The following FMN2 variants were observed in gnomAD, a reference collection of about 807,000 sequenced individuals.
FMN2 encodes the protein formin-2.
A neutral mutation model predicts 142.3 loss-of-function variants in FMN2; 51 were observed. The observed-to-expected ratio is 0.36, with a 90% confidence interval of 0.29 to 0.45. The LOEUF (loss-of-function observed/expected upper bound fraction) is 0.45, where lower values mean the gene tolerates loss of function less well. Among genes scored for constraint, FMN2 ranks in the 20% least tolerant of loss-of-function variants. The pLI, the probability that FMN2 is intolerant of heterozygous loss-of-function variation, is 1.00. For missense variants in FMN2, 1,936 were observed against 2,122.8 expected (o/e 0.91, Z 1.73); for synonymous variants, 882 against 869.8 (o/e 1.01, Z -0.25).
chr1:240,127,411 G>A (rs555723837), intron 2 of FMN2, among the ~76,000 whole-genome samples: 1 of 150,322 alleles, frequency 6.7e-6, no homozygotes, highest in South Asian at 2.1e-4. Context: ...GAGGTTTTAT[G>A]CAGGGGAAGA....
intron 3 of FMN2, among the ~76,000 whole-genome samples, chr1:240,185,823 C>A (rs1044297928): frequency 6.6e-6 from 1 of 152,078 alleles, no homozygotes; most frequent in African/African-American, 2.4e-5. Flanking sequence ...TGTCTTGAGT[C>A]TATTGTGTTT....
At position 240,121,366 on chromosome 1, in the gene FMN2, A is replaced by G. The variant is rs1662236870; in HGVS notation, c.1616-1813A>G. On this transcript the variant is annotated intron_variant, in intron 1 of 17. Transcript: ENST00000319653. The stretch of plus-strand genomic sequence containing the variant: ...CTCTAGGATCCTCAGCCAGTGTCTT[A>G]TTTTTTTTATTTTTATTTTTTTTTT... Among the ~76,000 whole-genome samples, 3 of 146,480 alleles carry G rather than the reference A, an allele frequency of 2.0e-5. No homozygotes were observed. In the South Asian group the frequency reaches 6.6e-4, roughly 32 times the overall value.
intron 15 of FMN2, among the ~76,000 whole-genome samples, chr1:240,415,891 T>G (rs1009350113): frequency 4.6e-5 from 7 of 152,214 alleles, no homozygotes; most frequent in Non-Finnish European, 1.0e-4. Context: ...TTAGATATAT[T>G]CGTTTTGGAA....
intron 14 of FMN2, among the ~76,000 whole-genome samples, chr1:240,372,816 C>T (rs538068008): frequency 6.6e-6 from 1 of 152,174 alleles, no homozygotes; most frequent in South Asian, 2.1e-4. Flanking sequence ...TTATGCTATA[C>T]TGTACTCTAT....
rs564100152 is a variant in FMN2, at chr1:240,205,950, C to T, written c.1987-849C>T. ...TCACTCTGTTTCCCAGGCGGGAGTG[C>T]AGTGCAGTGGCCTGTGATCATAGAT... is the stretch of plus-strand genomic sequence containing the variant. On this transcript the variant is annotated intron_variant, in intron 4 of 17. Transcript: ENST00000319653. 2.2e-3 allele frequency among the ~76,000 whole-genome samples: 312 copies of T among 143,858 alleles called. 2 individuals are homozygous for T. Among genetic ancestry groups the T allele is most frequent in the African/African-American group, 7.5e-3 (288 of 38,268 alleles). 94.4% of individuals were successfully genotyped at this position (143,858 alleles called of 152,430 possible). A position where few individuals can be genotyped will look rare whatever the true frequency, so the allele number is the denominator to read the frequency against.
intron 15 of FMN2, among the ~76,000 whole-genome samples, chr1:240,427,465 A>C (rs1381130376): frequency 6.6e-6 from 1 of 152,096 alleles, no homozygotes; most frequent in Non-Finnish European, 1.5e-5. Flanking sequence ...TCGGCCTCCC[A>C]AAGTGCTGGG....
chr1:240,409,907 G>A (rs1301450256), intron 15 of FMN2, among the ~76,000 whole-genome samples: 1 of 152,126 alleles, frequency 6.6e-6, no homozygotes, highest in Non-Finnish European at 1.5e-5. Context: ...GTGAGGACAT[G>A]TATATCTAAG....
intron 7 of FMN2, among the ~76,000 whole-genome samples, chr1:240,260,236 A>G (rs1472627745): frequency 6.6e-6 from 1 of 152,194 alleles, no homozygotes; most frequent in African/African-American, 2.4e-5. Flanking sequence ...TCTTTTTCGT[A>G]CAATGGCTTC....
intron 2 of FMN2, among the ~76,000 whole-genome samples, chr1:240,171,806 C>A (rs1347442351): frequency 1.3e-5 from 2 of 152,188 alleles, no homozygotes; most frequent in Non-Finnish European, 2.9e-5. Flanking sequence ...AGTAACTTTT[C>A]TCTTTCTTAA....
chr1:240,305,233 T>G (rs1483319715), intron 8 of FMN2, among the ~76,000 whole-genome samples: 1 of 152,194 alleles, frequency 6.6e-6, no homozygotes, highest in African/African-American at 2.4e-5. Context: ...TTGGATAATT[T>G]TGTATCTTGG....
chr1:240,337,690 ATAG>A (rs1477104803), intron 13 of FMN2, among the ~76,000 whole-genome samples: 3 of 152,244 alleles, frequency 2.0e-5, no homozygotes, highest in African/African-American at 7.2e-5. Context: ...AGCAATAATC[ATAG>A]TAGCTCATCT....
At chr1:240,097,781 T>C (rs566926323) in intron 1 of FMN2, among the ~76,000 whole-genome samples, 95 of 152,300 alleles carry the variant, frequency 6.2e-4, no homozygotes, top group African/African-American at 1.9e-3. Flanking sequence ...TACTTCTAAG[T>C]GCCAGACTCT....
At chr1:240,213,839 G>A (rs1294454016) in intron 6 of FMN2, among the ~76,000 whole-genome samples, 2 of 152,190 alleles carry the variant, frequency 1.3e-5, no homozygotes, top group African/African-American at 4.8e-5. Context: ...GTTTAACGAG[G>A]TGCCTGTGCT....
chr1:240,238,648 G>T (rs1667786449), intron 6 of FMN2, among the ~76,000 whole-genome samples: 2 of 152,124 alleles, frequency 1.3e-5, no homozygotes, highest in Admixed American at 6.5e-5. Context: ...TAGTTGCTCT[G>T]CTAGAGTTAC....
intron 14 of FMN2, among the ~76,000 whole-genome samples, chr1:240,385,261 C>A (rs1034433354): frequency 3.3e-5 from 5 of 152,148 alleles, no homozygotes; most frequent in African/African-American, 1.2e-4. Flanking sequence ...GAAAGCTCAG[C>A]CCTAATGCGT....
chr1:240,418,195 A>C (rs1236106448), intron 15 of FMN2, among the ~76,000 whole-genome samples: 1 of 149,274 alleles, frequency 6.7e-6, no homozygotes, highest in Non-Finnish European at 1.5e-5. Context: ...TTTTATATTT[A>C]TTATGATTTT....
chr1:240,305,771 A>G (rs572184680), intron 8 of FMN2, among the ~76,000 whole-genome samples: 4 of 152,000 alleles, frequency 2.6e-5, no homozygotes, highest in Admixed American at 2.6e-4. Context: ...AAATAATTAC[A>G]TGTATATCCC....
intron 2 of FMN2, among the ~76,000 whole-genome samples, chr1:240,151,740 G>A: frequency 6.6e-6 from 1 of 151,920 alleles, no homozygotes; most frequent in Non-Finnish European, 1.5e-5. Context: ...TCTCTGTGTG[G>A]CAAAGCAGAG....
chr1:240,250,616 T>C (rs1668243755), intron 6 of FMN2, among the ~76,000 whole-genome samples: 1 of 152,130 alleles, frequency 6.6e-6, no homozygotes, highest in Non-Finnish European at 1.5e-5. Context: ...TTAGGGAGCA[T>C]TCCCTTCTCT....
Sources: allele counts gnomAD v4.1 joint callset (sites outside exome capture counted in the v4.1 genomes callset), GRCh38; gene constraint gnomAD v4.1.1; transcripts MANE v1.5; gene names NCBI Gene and HGNC (gene_info 2026-07-23, HGNC 2026-07-21).